The following SMURF2 variants were observed in gnomAD, a reference collection of about 807,000 sequenced individuals.
SMURF2 encodes the protein E3 ubiquitin-protein ligase SMURF2.
A neutral mutation model predicts 109.6 loss-of-function variants in SMURF2; 48 were observed. That is an observed-to-expected ratio of 0.44 (90% CI 0.35 to 0.56). The LOEUF is 0.56. SMURF2 is among the 20% of genes least tolerant of loss of function. SMURF2 has a pLI of 0.01. For synonymous variants in SMURF2, 288 were observed against 317.1 expected (o/e 0.91, Z 0.97); for missense variants, 575 against 909.0 (o/e 0.63, Z 4.72).
intron 2 of SMURF2, among the ~76,000 whole-genome samples, chr17:64,604,106 G>T (rs1555688832): frequency 1.3e-5 from 2 of 152,098 alleles, no homozygotes; most frequent in Non-Finnish European, 2.9e-5. Flanking sequence ...CCCTTAACAG[G>T]TCAAAAATCT....
intron 1 of SMURF2, among the ~76,000 whole-genome samples, chr17:64,656,510 T>A (rs1187530207): frequency 6.6e-6 from 1 of 152,194 alleles, no homozygotes; most frequent in African/African-American, 2.4e-5. Flanking sequence ...TATAACAGAA[T>A]AGTAAAAAGG....
intron 10 of SMURF2, among the ~76,000 whole-genome samples, chr17:64,569,896 T>G (rs1375143594): frequency 3.3e-5 from 5 of 152,218 alleles, no homozygotes; most frequent in African/African-American, 1.2e-4. Context: ...TATTTTGCTA[T>G]CTAGGCTATA....
chr17:64,642,985 C>T lies in SMURF2; in HGVS notation c.52+18844G>A, dbSNP rs141469788. Reference sequence around the variant, plus strand: ...AATTTTTTTGTATGTTTTGTAGAGACGGAGTTTCACCCTGTTATCCAGGCT... The same window carrying T: ...AATTTTTTTGTATGTTTTGTAGAGATGGAGTTTCACCCTGTTATCCAGGCT... On this transcript the variant is annotated intron_variant, in intron 1 of 18. Transcript: ENST00000262435. Among the ~76,000 whole-genome samples, 373 of 151,956 alleles carry T rather than the reference C, an allele frequency of 2.5e-3. 3 individuals are homozygous for T. Among genetic ancestry groups the T allele is most frequent in the African/African-American group, 8.6e-3 (355 of 41,452 alleles).
At chr17:64,567,410 C>G (rs1352698544) in intron 10 of SMURF2, among the ~76,000 whole-genome samples, 1 of 152,184 alleles carries the variant, frequency 6.6e-6, no homozygotes, top group Non-Finnish European at 1.5e-5. Flanking sequence ...GAAAAGACAA[C>G]AGACATTTCT....
At chr17:64,580,498 G>GTCTCACTTCATTTCGTATGCT (rs1363222523) in intron 8 of SMURF2, among the ~76,000 whole-genome samples, 2 of 152,134 alleles carry the variant, frequency 1.3e-5, no homozygotes, top group African/African-American at 2.4e-5. Flanking sequence ...TTACAAAACA[G>GTCTCACTTCATTTCGTATGCT]TCTCACTTCA....
At chr17:64,559,348 C>G (rs1364531438) in intron 12 of SMURF2, among the ~76,000 whole-genome samples, 1 of 152,216 alleles carries the variant, frequency 6.6e-6, no homozygotes, top group Admixed American at 6.5e-5. Flanking sequence ...GTAATCCCAG[C>G]ACTTTGGGAG....
chr17:64,555,082 C>A, intron 14 of SMURF2, 89 bp from the exon 15 acceptor site: 1 of 1,240,954 alleles, frequency 8.1e-7, no homozygotes, highest in South Asian at 1.6e-5. Flanking sequence ...AAACTAAGAT[C>A]ATTTTATAAT....
intron 2 of SMURF2, among the ~76,000 whole-genome samples, chr17:64,605,882 T>G (rs138661669): frequency 0.019 from 2,826 of 150,146 alleles, 33 homozygotes; most frequent in South Asian, 0.061. Flanking sequence ...ATCATCTCTA[T>G]TCTAATTTCA....
intron 3 of SMURF2, among the ~76,000 whole-genome samples, chr17:64,595,019 AC>A (rs570467259): frequency 4.9e-3 from 742 of 152,144 alleles, no homozygotes; most frequent in Non-Finnish European, 8.1e-3. Context: ...GTTACGTTAA[AC>A]CAGTTGTCCA....
At chr17:64,588,610 T>G (rs1969702844) in intron 5 of SMURF2, among the ~76,000 whole-genome samples, 1 of 151,720 alleles carries the variant, frequency 6.6e-6, no homozygotes, top group African/African-American at 2.4e-5. Context: ...CAGTTTTTTT[T>G]GTTTGTTTTT....
rs1398851413 is a variant in SMURF2, at chr17:64,607,901, G to A, written c.53-1261C>T. ...TGCGAGAATCACTTGAACCTGGGAG[G>A]TGGAGGCTGCAATGAGCCAAGATTG... On this transcript the variant is annotated intron_variant, in intron 1 of 18. Transcript: ENST00000262435. 1.1e-4 allele frequency among the ~76,000 whole-genome samples: 16 copies of A among 150,248 alleles called. 1 individual carries two copies. Among genetic ancestry groups the A allele is most frequent in the Admixed American group, 8.6e-4 (13 of 15,160 alleles).
chr17:64,620,085 C>T (rs577982807), intron 1 of SMURF2, among the ~76,000 whole-genome samples: 1 of 152,302 alleles, frequency 6.6e-6, no homozygotes, highest in South Asian at 2.1e-4. Flanking sequence ...AACTGCACCA[C>T]GTTTCCAGTC....
chr17:64,643,185 G>A (rs1970513057), intron 1 of SMURF2, among the ~76,000 whole-genome samples: 1 of 151,958 alleles, frequency 6.6e-6, no homozygotes, highest in Admixed American at 6.6e-5. Flanking sequence ...ACCATACCCA[G>A]CTAATTTTTG....
chr17:64,632,701 A>G (rs1466763702), intron 1 of SMURF2, among the ~76,000 whole-genome samples: 1 of 152,244 alleles, frequency 6.6e-6, no homozygotes, highest in Non-Finnish European at 1.5e-5. Flanking sequence ...TTCTGTCAAG[A>G]GACCTAAACA....
chr17:64,593,693 T>C, intron 3 of SMURF2, 120 bp from the exon 4 acceptor site: 5 of 734,534 alleles, frequency 6.8e-6, no homozygotes, highest in Non-Finnish European at 8.0e-6. Context: ...GGCTAGATTA[T>C]GCAAAATATG....
At chr17:64,584,348 TTTC>T (rs1969618913) in intron 6 of SMURF2, among the ~76,000 whole-genome samples, 1 of 142,030 alleles carries the variant, frequency 7.0e-6, no homozygotes, top group Non-Finnish European at 1.5e-5. Flanking sequence ...AAACAGCTAC[TTTC>T]TTTTTTTTTC....
chr17:64,624,910 A>C (rs1970248670), intron 1 of SMURF2, among the ~76,000 whole-genome samples: 1 of 152,194 alleles, frequency 6.6e-6, no homozygotes, highest in African/African-American at 2.4e-5. Context: ...ATAGAGGATA[A>C]GTGATCTGTG....
chr17:64,562,636 C>A, intron 11 of SMURF2, 135 bp downstream of exon 11: 1 of 790,314 alleles, frequency 1.3e-6, no homozygotes, highest in Non-Finnish European at 1.9e-6. Flanking sequence ...CCTCAGCCTC[C>A]CAAAGTGCTG....
chr17:64,649,950 CT>C (rs144580436), intron 1 of SMURF2, among the ~76,000 whole-genome samples: 5,491 of 151,904 alleles, frequency 0.036, 331 homozygotes, highest in African/African-American at 0.13. Context: ...ACATTTATGC[CT>C]TTTTTTTCTT....
Sources: gnomAD v4.1 joint callset for allele counts (sites outside exome capture counted in the v4.1 genomes callset) on GRCh38, gnomAD v4.1.1 for gene constraint, MANE v1.5 for transcripts, NCBI Gene and HGNC (gene_info 2026-07-23, HGNC 2026-07-21) for gene names.